Variants in NAALADL2 observed in about 807,000 individuals in gnomAD.
The protein encoded by NAALADL2 is inactive N-acetylated-alpha-linked acidic dipeptidase-like protein 2.
In NAALADL2, 76 loss-of-function variants were observed where a neutral mutation model predicts 87.2. The ratio of observed to expected loss-of-function variants is 0.87; its 90% CI spans 0.72 to 1.05. The LOEUF (loss-of-function observed/expected upper bound fraction) is 1.05, where lower values mean the gene tolerates loss of function less well. Ranked by LOEUF, NAALADL2 falls within the 50% of genes least tolerant of loss-of-function variation. NAALADL2 has a pLI of 0.00. For missense variants in NAALADL2, 1,089 were observed against 945.8 expected, an observed-to-expected ratio of 1.15 and a Z score of -1.99; for synonymous variants, 354 against 331.0, an observed-to-expected ratio of 1.07 and a Z score of -0.75.
intron 1 of NAALADL2, among the ~76,000 whole-genome samples, chr3:174,447,707 C>T (rs1210833755): frequency 1.3e-5 from 2 of 151,662 alleles, no homozygotes; most frequent in Non-Finnish European, 2.9e-5. Flanking sequence ...CCCAGCTACT[C>T]GGGAGGCTGA....
chr3:174,796,761 G>A (rs13317611), intron 3 of NAALADL2, among the ~76,000 whole-genome samples: 5,072 of 68,474 alleles, frequency 0.074, 358 homozygotes, highest in African/African-American at 0.22. Flanking sequence ...GTATATTTTT[G>A]TTGGCCATTT....
At chr3:174,814,513 TTAA>T (rs1160814652) in intron 3 of NAALADL2, among the ~76,000 whole-genome samples, 15 of 152,170 alleles carry the variant, frequency 9.9e-5, no homozygotes, top group African/African-American at 1.7e-4. Flanking sequence ...CATGGAATAA[TTAA>T]TAATATCCAA....
chr3:175,095,957 C>G (rs373755050), intron 1 of NAALADL2, among the ~76,000 whole-genome samples: 269 of 152,238 alleles, frequency 1.8e-3, no homozygotes, highest in African/African-American at 6.2e-3. Context: ...TGGCAGGATA[C>G]AACAAGCTGT....
intron 5 of NAALADL2, among the ~76,000 whole-genome samples, chr3:175,434,574 A>C (rs1426571535): frequency 2.0e-5 from 3 of 152,106 alleles, no homozygotes; most frequent in Non-Finnish European, 4.4e-5. Flanking sequence ...TCATTTAATC[A>C]GTCTCATAAA....
At chr3:174,941,736 T>G (rs1416744837) in intron 1 of NAALADL2, among the ~76,000 whole-genome samples, 2 of 150,590 alleles carry the variant, frequency 1.3e-5, no homozygotes, top group African/African-American at 4.9e-5. Context: ...AATTGGACTC[T>G]TTACTATTAT....
At chr3:175,168,339 G>A (rs1734285231) in intron 2 of NAALADL2, among the ~76,000 whole-genome samples, 1 of 151,730 alleles carries the variant, frequency 6.6e-6, no homozygotes, top group Non-Finnish European at 1.5e-5. Context: ...AGATAACCTA[G>A]TTTATATAAA....
chr3:175,394,283 G>GT lies in NAALADL2; in HGVS notation c.1091-52945dup, dbSNP rs374146414. On this transcript the variant is annotated intron_variant, in intron 5 of 13. Transcript: ENST00000454872. ...ACAAATATACAGTTAGATAGAAGGA[G>GT]TAAGTTTTAACCCTTGGTAGCAGAG... Among the ~76,000 whole-genome samples the GT allele has an allele frequency of 1.4e-3, 219 of 152,252 alleles. 1 individual carries two copies. Among genetic ancestry groups the GT allele is most frequent in the African/African-American group, 5.1e-3 (212 of 41,556 alleles).
chr3:175,072,219 T>C (rs1242868814), intron 1 of NAALADL2, among the ~76,000 whole-genome samples: 4 of 152,060 alleles, frequency 2.6e-5, no homozygotes, highest in Non-Finnish European at 4.4e-5. Flanking sequence ...GAGTCATGTA[T>C]CCTGAATTCA....
chr3:175,295,364 A>G, intron 4 of NAALADL2, among the ~76,000 whole-genome samples: 1 of 152,044 alleles, frequency 6.6e-6, no homozygotes, highest in Non-Finnish European at 1.5e-5. Context: ...ACCTGGCCAA[A>G]CCTGAATTCG....
chr3:175,714,668 A>G (rs942720668), intron 11 of NAALADL2, among the ~76,000 whole-genome samples: 3 of 152,128 alleles, frequency 2.0e-5, no homozygotes, highest in Non-Finnish European at 4.4e-5. Context: ...ACGTTCTCCA[A>G]TTCTGTAGGT....
At chr3:174,627,482 T>A (rs921004112) in intron 2 of NAALADL2, among the ~76,000 whole-genome samples, 2 of 152,186 alleles carry the variant, frequency 1.3e-5, no homozygotes, top group African/African-American at 4.8e-5. Flanking sequence ...TATACTGTTT[T>A]GGGGAATGTA....
intron 1 of NAALADL2, among the ~76,000 whole-genome samples, chr3:174,972,967 G>T (rs752282620): frequency 2.7e-5 from 4 of 146,246 alleles, no homozygotes; most frequent in Admixed American, 6.9e-5. Flanking sequence ...TTGCACTCCA[G>T]CTTGGGCAAC....
chr3:174,586,147 G>A (rs977371344), intron 2 of NAALADL2, among the ~76,000 whole-genome samples: 4 of 152,074 alleles, frequency 2.6e-5, no homozygotes, highest in African/African-American at 9.7e-5. Context: ...AAATTTCAAC[G>A]GATATTTGTT....
At chr3:175,761,802 G>C (rs961219594) in intron 13 of NAALADL2, among the ~76,000 whole-genome samples, 5 of 152,058 alleles carry the variant, frequency 3.3e-5, no homozygotes, top group African/African-American at 1.2e-4. Context: ...TATTTTATTT[G>C]ATGTGATATC....
At chr3:174,535,565 T>G (rs1334000946) in intron 1 of NAALADL2, among the ~76,000 whole-genome samples, 2 of 152,142 alleles carry the variant, frequency 1.3e-5, no homozygotes, top group African/African-American at 4.8e-5. Context: ...CCGTACTAGG[T>G]GATTTATTCC....
intron 2 of NAALADL2, among the ~76,000 whole-genome samples, chr3:174,589,012 C>T (rs150911789): frequency 0.15 from 23,481 of 152,064 alleles, 1,945 homozygotes; most frequent in Non-Finnish European, 0.18. Flanking sequence ...CCTTGAGCTG[C>T]GGTGGGTTCC....
chr3:174,675,784 C>T (rs78167632), intron 2 of NAALADL2, among the ~76,000 whole-genome samples: 1,741 of 151,882 alleles, frequency 0.011, 30 homozygotes, highest in African/African-American at 0.039. Flanking sequence ...GTAAGTCTAC[C>T]GAGTTTGATT....
At chr3:174,629,927 G>A (rs1578369215) in intron 2 of NAALADL2, among the ~76,000 whole-genome samples, 1 of 152,184 alleles carries the variant, frequency 6.6e-6, no homozygotes, top group Non-Finnish European at 1.5e-5. Context: ...GAAGTTGAAA[G>A]GGTAGCTTAT....
At chr3:174,928,459 C>T (rs1010551635) in intron 1 of NAALADL2, among the ~76,000 whole-genome samples, 2 of 152,142 alleles carry the variant, frequency 1.3e-5, no homozygotes, top group African/African-American at 4.8e-5. Flanking sequence ...CCAGGCTAGT[C>T]TCGAACACCT....
Sources: allele counts gnomAD v4.1 joint callset (sites outside exome capture counted in the v4.1 genomes callset), GRCh38; gene constraint gnomAD v4.1.1; transcripts MANE v1.5; gene names NCBI Gene and HGNC (gene_info 2026-07-23, HGNC 2026-07-21).